The following FBLN2 variants were observed in gnomAD, a reference collection of about 807,000 sequenced individuals.
FBLN2 encodes fibulin-2.
Under a neutral mutation model 123.7 loss-of-function variants are expected in FBLN2, and 81 were observed. That is an observed-to-expected ratio of 0.65 (90% confidence interval 0.55 to 0.79). FBLN2 has a LOEUF of 0.79. Ranked by LOEUF, FBLN2 falls within the 30% of genes least tolerant of loss-of-function variation. The probability of loss-of-function intolerance (pLI) is 0.00; values close to 1 mark genes in which losing one functional copy is unlikely to be tolerated. For missense variants in FBLN2, 1,603 were observed against 1,681.3 expected (o/e 0.95, Z 0.81); for synonymous variants, 699 against 701.4 (o/e 1.00, Z 0.05).
At chr3:13,605,940 T>G (rs980346507) in intron 2 of FBLN2, among the ~76,000 whole-genome samples, 3 of 152,218 alleles carry the variant, frequency 2.0e-5, no homozygotes, top group Non-Finnish European at 4.4e-5. Context: ...TATTATTTTT[T>G]GAGACAGAGT....
chr3:13,590,891 G>A (rs1346446623), intron 2 of FBLN2, among the ~76,000 whole-genome samples: 1 of 152,212 alleles, frequency 6.6e-6, no homozygotes, highest in Non-Finnish European at 1.5e-5. Context: ...CTGCGTCTTT[G>A]GAAGACTTAG....
chr3:13,634,126 C>T (rs895186320), intron 16 of FBLN2, among the ~76,000 whole-genome samples: 2 of 152,344 alleles, frequency 1.3e-5, no homozygotes, highest in South Asian at 4.1e-4. Context: ...GCTTCTGGGC[C>T]TCAAGTCCTT....
chr3:13,601,421 T>C (rs777707945), intron 2 of FBLN2, among the ~76,000 whole-genome samples: 1 of 152,148 alleles, frequency 6.6e-6, no homozygotes, highest in Non-Finnish European at 1.5e-5. Context: ...GGACGAGACA[T>C]TGAATGGTGG....
chr3:13,621,777 C>T lies in FBLN2; in HGVS notation c.2158C>T (p.Gln720Ter). Residue 720 changes from glutamine (Q) to a stop codon, truncating the protein, a stop_gained and splice_region_variant, in exon 9 of 18, where the codon CAA becomes TAA. Coordinates refer to ENST00000404922, the MANE Select transcript of FBLN2 (RefSeq NM_001004019.2). LOFTEE classifies it high-confidence loss of function. ...IMADGVSCED[Q>*]DECLMGAHDC... ...TTTCCTCCTGCGGCTGCCACTAGAC[C>T]AAGACGAGTGCCTGATGGGTGCTCA... is the stretch of plus-strand genomic sequence containing the variant. 6.2e-7 allele frequency: 1 copy of T among 1,613,948 alleles called. No homozygotes were observed.
chr3:13,612,953 C>G (rs533628208), intron 4 of FBLN2, among the ~76,000 whole-genome samples: 1 of 152,172 alleles, frequency 6.6e-6, no homozygotes, highest in Non-Finnish European at 1.5e-5. Flanking sequence ...ACCTGAGCCA[C>G]GCTCAGCTGA....
Position 13,613,914 on chromosome 3 carries a change from A to G in FBLN2, c.1549-70A>G, listed in dbSNP as rs1021381871. Reference sequence around the variant, plus strand: ...AATGGTGAATTCATCTCCATTTATCAGTCCCTCCCCTGAGCCTAGCTCCAG... The same window carrying G: ...AATGGTGAATTCATCTCCATTTATCGGTCCCTCCCCTGAGCCTAGCTCCAG... On this transcript the variant is annotated intron_variant, in intron 4 of 17. Coordinates refer to ENST00000404922, the MANE Select transcript of FBLN2 (RefSeq NM_001004019.2). 14 of 1,497,356 alleles carry G rather than the reference A, an allele frequency of 9.3e-6. No individual in the cohort carries two copies. In the African/African-American group the frequency reaches 1.1e-4, roughly 12 times the overall value. The allele number at this position is 1,497,356 out of a possible 1,614,324, so 92.8% of individuals were successfully genotyped here. A position where few individuals can be genotyped will look rare whatever the true frequency, so the allele number is the denominator to read the frequency against.
At chr3:13,565,124 G>A (rs1703706004) in intron 1 of FBLN2, among the ~76,000 whole-genome samples, 1 of 152,210 alleles carries the variant, frequency 6.6e-6, no homozygotes, top group Non-Finnish European at 1.5e-5. Flanking sequence ...GACCCTGGCT[G>A]AATGTCTCTC....
chr3:13,615,483 TC>T (rs1705567205), intron 5 of FBLN2, among the ~76,000 whole-genome samples: 1 of 152,066 alleles, frequency 6.6e-6, no homozygotes, highest in Non-Finnish European at 1.5e-5. Context: ...GCCTCTGGAG[TC>T]AGGCAGACTT....
At chr3:13,629,737 C>A in intron 13 of FBLN2, 83 bp from the exon 14 acceptor site, 1 of 1,495,456 alleles carries the variant, frequency 6.7e-7, no homozygotes, top group Non-Finnish European at 8.9e-7. Context: ...TTAGCCTCCC[C>A]TTCGGCCCTG....
intron 1 of FBLN2, among the ~76,000 whole-genome samples, chr3:13,562,356 CTTTTTTT>C (rs377434279): frequency 1.5e-5 from 2 of 135,164 alleles, no homozygotes; most frequent in African/African-American, 2.7e-5. Context: ...ATGAAGTTTA[CTTTTTTT>C]TTTTTTTTTT....
intron 4 of FBLN2, among the ~76,000 whole-genome samples, chr3:13,613,119 A>AG (rs57661777): frequency 0.38 from 57,152 of 151,784 alleles, 15,872 homozygotes; most frequent in African/African-American, 0.79. Flanking sequence ...CTGTTCAGTT[A>AG]TGATGTGCAG....
At chr3:13,609,438 T>C (rs1705315041) in intron 3 of FBLN2, 75 bp from the exon 4 acceptor site, 2 of 1,464,430 alleles carry the variant, frequency 1.4e-6, no homozygotes, top group Admixed American at 5.2e-5. Context: ...GCTTCCCTCC[T>C]CTGAGCCTCA....
At chr3:13,555,160 C>T (rs893927410) in intron 1 of FBLN2, among the ~76,000 whole-genome samples, 1 of 151,960 alleles carries the variant, frequency 6.6e-6, no homozygotes, top group Non-Finnish European at 1.5e-5. Flanking sequence ...CCATGTTGGC[C>T]AGGCTGGTCT....
At chr3:13,624,746 G>A (rs76316383) in intron 9 of FBLN2, among the ~76,000 whole-genome samples, 2,539 of 152,340 alleles carry the variant, frequency 0.017, 71 homozygotes, top group African/African-American at 0.058. Flanking sequence ...CTTGAGGGCC[G>A]GGGCTGGGGC....
Position 13,621,922 on chromosome 3 carries a change from C to G in FBLN2, c.2296+7C>G. 6.2e-7 allele frequency: 1 copy of G among 1,609,780 alleles called. No homozygotes were observed. The highest frequency in any genetic ancestry group is 1.3e-5 in the African/African-American group (1 of 75,018). On this transcript the variant is annotated splice_region_variant and intron_variant, in intron 9 of 17. Transcript: ENST00000404922. ...GCGCACAGGAAGTGCGTGGGTAAGC[C>G]AGGGCCCCGCCTGCCGCCCGCCGTC...
At position 13,636,476 on chromosome 3, in the gene FBLN2, C is replaced by T; in HGVS notation, c.3246C>T (p.Asn1082=). 3 of 1,613,688 alleles carry T rather than the reference C, an allele frequency of 1.9e-6. No homozygotes were observed. Among genetic ancestry groups the T allele is most frequent in the South Asian group, 1.1e-5 (1 of 90,992 alleles). Residue 1082 remains asparagine, a synonymous_variant, in exon 17 of 18, where the codon AAC becomes AAT. Transcript: ENST00000404922. ...ATGAGTGTGCACTGGGTACCCACAA[C>T]TGTTCCGAGGCTGAGACCTGCCACA... ...DVDECALGTH[N]CSEAETCHNI...
chr3:13,571,741 T>G, intron 2 of FBLN2, 80 bp downstream of exon 2: 4 of 1,415,576 alleles, frequency 2.8e-6, no homozygotes, highest in Non-Finnish European at 2.8e-6. Context: ...CCCAGGTCTC[T>G]GCCTGGGGCT....
At chr3:13,627,729 C>T in intron 10 of FBLN2, 103 bp from the exon 11 acceptor site, 3 of 1,384,412 alleles carry the variant, frequency 2.2e-6, no homozygotes, top group South Asian at 3.1e-5. Context: ...TCTTTGTGGC[C>T]ATCAGGGTCA....
At chr3:13,600,080 A>C (rs1425747798) in intron 2 of FBLN2, among the ~76,000 whole-genome samples, 2 of 98,332 alleles carry the variant, frequency 2.0e-5, no homozygotes, top group African/African-American at 1.2e-4. Flanking sequence ...AGAGAGAGAG[A>C]GCGCCAGGCA....
Sources: allele counts gnomAD v4.1 joint callset (sites outside exome capture counted in the v4.1 genomes callset), GRCh38; gene constraint gnomAD v4.1.1; transcripts MANE v1.5; gene names NCBI Gene and HGNC (gene_info 2026-07-23, HGNC 2026-07-21).